The following SPEF2 variants were observed in gnomAD, a reference collection of about 807,000 sequenced individuals.
The protein encoded by SPEF2 is sperm flagellar and cilia associated 2, also known as sperm flagella and cilia-associated protein 2.
Under a neutral mutation model 224.6 loss-of-function variants are expected in SPEF2, and 187 were observed. The ratio of observed to expected loss-of-function variants is 0.83; its 90% CI spans 0.74 to 0.94. The LOEUF is 0.94. Ranked by LOEUF, SPEF2 falls within the 40% of genes least tolerant of loss-of-function variation. The pLI, the probability that SPEF2 is intolerant of heterozygous loss-of-function variation, is 0.00. For missense variants in SPEF2, 2,170 were observed against 2,135.6 expected, an observed-to-expected ratio of 1.02 and a Z score of -0.32; for synonymous variants, 715 against 707.3, an observed-to-expected ratio of 1.01 and a Z score of -0.17.
rs781273847 is a variant in SPEF2, at chr5:35,727,744, C to T, written c.2984C>T (p.Thr995Ile). 1.2e-6 allele frequency: 2 copies of T among 1,613,670 alleles called. No homozygotes were observed. Among genetic ancestry groups the T allele is most frequent in the Admixed American group, 1.7e-5 (1 of 60,000 alleles). Residue 995 changes from threonine (T) to isoleucine (I), a missense_variant, in exon 21 of 37, where the codon ACA becomes ATA. Coordinates refer to ENST00000356031, the MANE Select transcript of SPEF2 (RefSeq NM_024867.4). ...AAATCACCTGCTGACTCTACAGATA[C>T]ATCACCTGTTGCAATAGTGCCACAG... ...VKKSPADSTD[T>I]SPVAIVPQPP...
In SPEF2 at chr5:35,739,966, C is replaced by T; in HGVS notation, c.3111C>T (p.Ser1037=). 6.2e-7 allele frequency: 1 copy of T among 1,614,044 alleles called. No individual in the cohort carries two copies. Among genetic ancestry groups the T allele is most frequent in the South Asian group, 1.1e-5 (1 of 91,070 alleles). ...CTTACTGGGAACTAATAGAAAATTC[C>T]TATATAAACACCATCAAAACAGTAC... ...LVPYWELIEN[S]YINTIKTVLR... Residue 1037 remains serine, a synonymous_variant, in exon 22 of 37, where the codon TCC becomes TCT. Coordinates refer to ENST00000356031, the MANE Select transcript of SPEF2 (RefSeq NM_024867.4).
At chr5:35,634,821 A>G (rs1027330654) in intron 2 of SPEF2, among the ~76,000 whole-genome samples, 5 of 152,104 alleles carry the variant, frequency 3.3e-5, no homozygotes, top group Non-Finnish European at 7.4e-5. Flanking sequence ...ATTTGTTACA[A>G]TTAATGAGCC....
At chr5:35,779,572 C>A (rs1304151390) in intron 30 of SPEF2, among the ~76,000 whole-genome samples, 2 of 152,188 alleles carry the variant, frequency 1.3e-5, no homozygotes, top group East Asian at 3.9e-4. Flanking sequence ...GGTCCTCATT[C>A]CTGGTAATTC....
chr5:35,763,370 A>G (rs977215964), intron 25 of SPEF2, 152 bp from the exon 26 acceptor site: 5 of 749,932 alleles, frequency 6.7e-6, no homozygotes, highest in Middle Eastern at 4.1e-4. Context: ...GCAGTGTTTT[A>G]TAATCTTTTC....
At chr5:35,707,977 C>T (rs1225194162) in intron 18 of SPEF2, among the ~76,000 whole-genome samples, 1 of 152,114 alleles carries the variant, frequency 6.6e-6, no homozygotes, top group East Asian at 1.9e-4. Flanking sequence ...TATAAATTAA[C>T]TTATTCATCA....
At position 35,800,145 on chromosome 5, in the gene SPEF2, A is replaced by G. The variant is rs1309329521; in HGVS notation, c.5008A>G (p.Lys1670Glu). ...QVKASIPSAE[K>E]TSSTDAGPAE... ...CAAAGCTTCCATTCCAAGTGCAGAA[A>G]AGGTAATTGCATTCCAGAAATAGAC... Residue 1670 changes from lysine (K) to glutamate (E), a missense_variant and splice_region_variant, in exon 34 of 37, where the codon AAG (lysine) becomes GAG (glutamate). By Grantham distance (56) the Lys-to-Glu change is moderately conservative. Coordinates refer to ENST00000356031, the MANE Select transcript of SPEF2 (RefSeq NM_024867.4). 1 of 1,613,982 alleles carries G rather than the reference A, an allele frequency of 6.2e-7. No individual in the cohort carries two copies. The highest frequency in any genetic ancestry group is 8.5e-7 in the Non-Finnish European group (1 of 1,180,002).
Position 35,773,977 on chromosome 5 carries a change from G to T in SPEF2, c.4034G>T (p.Arg1345Met), listed in dbSNP as rs139687000. Reference sequence around the variant, plus strand: ...GAAATCAAAAGGAAAAATGAACTGAGGGTCAAAATAAAAGAAGAACACCTT... The same window carrying T: ...GAAATCAAAAGGAAAAATGAACTGATGGTCAAAATAAAAGAAGAACACCTT... ...IAEIKRKNELRVKIKEEHLAA... is the reference protein window; with the variant it reads ...IAEIKRKNELMVKIKEEHLAA... Residue 1345 changes from arginine (R) to methionine (M), a missense_variant, in exon 28 of 37, where the codon AGG becomes ATG. By Grantham distance (91) the Arg-to-Met change is moderately conservative (BLOSUM62 -1). Coordinates refer to ENST00000356031, the MANE Select transcript of SPEF2 (RefSeq NM_024867.4). 2.5e-3 allele frequency: 4,029 copies of T among 1,613,144 alleles called. 90 individuals carry two copies. In the African/African-American group the frequency reaches 0.048, roughly 19 times the overall value.
chr5:35,774,948 T>C (rs1230282576), intron 28 of SPEF2, among the ~76,000 whole-genome samples: 1 of 152,144 alleles, frequency 6.6e-6, no homozygotes, highest in Non-Finnish European at 1.5e-5. Context: ...ATTTCAGTGG[T>C]TTTCAGTATA....
intron 8 of SPEF2, among the ~76,000 whole-genome samples, chr5:35,665,531 A>G (rs1490575292): frequency 1.3e-5 from 2 of 152,062 alleles, no homozygotes; most frequent in Non-Finnish European, 2.9e-5. Flanking sequence ...AAGCTATACT[A>G]TTACTGGTAG....
chr5:35,751,091 A>G (rs1749544172), intron 23 of SPEF2, among the ~76,000 whole-genome samples: 3 of 69,832 alleles, frequency 4.3e-5, no homozygotes, highest in East Asian at 4.9e-4. Flanking sequence ...ACACACACAC[A>G]CACACATATA....
At chr5:35,636,033 A>G (rs111322666) in intron 2 of SPEF2, among the ~76,000 whole-genome samples, 57 of 152,226 alleles carry the variant, frequency 3.7e-4, no homozygotes, top group African/African-American at 1.3e-3. Flanking sequence ...AAAACTGGAC[A>G]TTTAAAATAA....
In SPEF2 at chr5:35,807,159, G is replaced by A. The variant is rs776288153; in HGVS notation, c.5285G>A (p.Gly1762Asp). 6.2e-7 allele frequency: 1 copy of A among 1,613,316 alleles called. No homozygotes were observed. Among genetic ancestry groups the A allele is most frequent in the Admixed American group, 1.7e-5 (1 of 59,826 alleles). Reference sequence around the variant, plus strand: ...TTCATAAAAACATTTCAAGACCTAGGTGCCAAGAACCTGGAGCCAATTGAA... The same window carrying A: ...TTCATAAAAACATTTCAAGACCTAGATGCCAAGAACCTGGAGCCAATTGAA... ...EGFIKTFQDL[G>D]AKNLEPIEVA... The change falls in exon 36 of 37, where the codon GGT becomes GAT. Residue 1762 changes from glycine to aspartate, a missense_variant. By Grantham distance (94) the Gly-to-Asp change is moderately conservative. Transcript: ENST00000356031.
At chr5:35,766,630 A>C (rs1034813975) in intron 26 of SPEF2, among the ~76,000 whole-genome samples, 1 of 151,472 alleles carries the variant, frequency 6.6e-6, no homozygotes, top group South Asian at 2.1e-4. Context: ...TTATTTTACT[A>C]TGTGTCTTTT....
chr5:35,736,914 C>G (rs1438470745), intron 21 of SPEF2, among the ~76,000 whole-genome samples: 4 of 31,438 alleles, frequency 1.3e-4, no homozygotes, highest in African/African-American at 3.4e-4. Flanking sequence ...CTGGAGCATC[C>G]AAAAAAATAA....
chr5:35,766,022 T>G (rs1222738057), intron 26 of SPEF2, among the ~76,000 whole-genome samples: 3 of 152,168 alleles, frequency 2.0e-5, no homozygotes, highest in Admixed American at 1.3e-4. Flanking sequence ...TTACTGGGTT[T>G]GTTTTGTTAA....
At chr5:35,724,158 T>G (rs190160141) in intron 20 of SPEF2, among the ~76,000 whole-genome samples, 1 of 152,276 alleles carries the variant, frequency 6.6e-6, no homozygotes, top group East Asian at 1.9e-4. Context: ...AATAAAGAAG[T>G]GTTTTGTTAA....
intron 3 of SPEF2, 150 bp from the exon 4 acceptor site, chr5:35,644,205 G>A (rs963940783): frequency 8.5e-6 from 5 of 587,146 alleles, no homozygotes; most frequent in African/African-American, 3.8e-5. Context: ...TTAAGAATAT[G>A]AGTAATTGGA....
At chr5:35,727,551 A>T in intron 20 of SPEF2, 124 bp from the exon 21 acceptor site, 1 of 761,872 alleles carries the variant, frequency 1.3e-6, no homozygotes, top group South Asian at 2.2e-5. Flanking sequence ...AAGACTCCTC[A>T]AAAAAGCTTA....
chr5:35,659,288 T>C, intron 8 of SPEF2, 81 bp downstream of exon 8: 1 of 1,350,020 alleles, frequency 7.4e-7, no homozygotes, highest in Non-Finnish European at 9.9e-7. Flanking sequence ...AAGCTATATT[T>C]TGTTGCCAAT....
Sources: allele counts gnomAD v4.1 joint callset (sites outside exome capture counted in the v4.1 genomes callset), GRCh38; gene constraint gnomAD v4.1.1; transcripts MANE v1.5; gene names NCBI Gene and HGNC (gene_info 2026-07-23, HGNC 2026-07-21).